Variants in CYP2A13 observed in about 807,000 individuals in gnomAD.
CYP2A13 encodes cytochrome P450 family 2 subfamily A member 13, also known as cytochrome P450 2A13.
Under a neutral mutation model 39.4 loss-of-function variants are expected in CYP2A13, and 30 were observed. The observed-to-expected ratio is 0.76, with a 90% CI of 0.57 to 1.03. The LOEUF is 1.03. CYP2A13 is among the 50% of genes least tolerant of loss of function. CYP2A13 has a pLI of 0.00. For missense variants in CYP2A13, 731 were observed against 648.4 expected, an observed-to-expected ratio of 1.13 and a Z score of -1.38; for synonymous variants, 269 against 254.7, an observed-to-expected ratio of 1.06 and a Z score of -0.54.
intron 3 of CYP2A13, 28 bp downstream of exon 3, chr19:41,090,224 C>T: frequency 6.5e-7 from 1 of 1,549,020 alleles, no homozygotes; most frequent in Non-Finnish European, 8.7e-7. Flanking sequence ...AGTGCGAGGG[C>T]GGGAACCCGC....
intron 6 of CYP2A13, 130 bp downstream of exon 6, chr19:41,093,901 T>A: frequency 1.8e-6 from 2 of 1,114,314 alleles, no homozygotes; most frequent in Middle Eastern, 2.8e-4. Context: ...GACAGGACAA[T>A]ATTCAGCTGA....
At chr19:41,090,323 C>T (rs2031159740) in intron 3 of CYP2A13, 81 bp from the exon 4 acceptor site, 1 of 1,600,646 alleles carries the variant, frequency 6.2e-7, no homozygotes, top group African/African-American at 1.3e-5. Context: ...CTCAACAGGG[C>T]CCTGCCTCCT....
intron 4 of CYP2A13, 136 bp from the exon 5 acceptor site, chr19:41,091,596 C>A: frequency 7.4e-7 from 1 of 1,344,256 alleles, no homozygotes; most frequent in Non-Finnish European, 1.0e-6. Flanking sequence ...CCATCCAACC[C>A]CACTGAAATA....
chr19:41,095,131 G>A (rs781120207), intron 8 of CYP2A13, 31 bp downstream of exon 8: 21 of 1,613,780 alleles, frequency 1.3e-5, no homozygotes, highest in Middle Eastern at 1.6e-4. Flanking sequence ...GCCAGGCCAC[G>A]GCTCACACCA....
At position 41,090,454 on chromosome 19, in the gene CYP2A13, A is replaced by T. The variant is rs780662877; in HGVS notation, c.544A>T (p.Ile182Phe). The change falls in exon 4 of 9, where the codon ATC (isoleucine) becomes TTC (phenylalanine). Residue 182 changes from isoleucine (I) to phenylalanine (F), a missense_variant. By Grantham distance (21) the Ile-to-Phe change is conservative (BLOSUM62 0). Transcript: ENST00000330436. ...FFLSRTVSNV[I>F]SSIVFGDRFD... ...CCTGAGCCGCACAGTCTCCAATGTC[A>T]TCAGCTCCATTGTCTTTGGGGACCG... The T allele has an allele frequency of 6.2e-7, 1 of 1,614,134 alleles. No homozygotes were observed. The highest frequency in any genetic ancestry group is 1.7e-5 in the Admixed American group (1 of 60,014).
Position 41,088,939 on chromosome 19 carries a change from G to A in CYP2A13, c.191G>A (p.Arg64His), listed in dbSNP as rs539865927. The A allele has an allele frequency of 2.0e-5, 33 of 1,613,994 alleles. No individual in the cohort carries two copies. The highest frequency in any genetic ancestry group is 2.7e-5 in the African/African-American group (2 of 75,020). ...MYNSLMKISE[R>H]YGPVFTIHLG... ...ACCTGCCTCCAACAGATCAGTGAGC[G>A]CTATGGCCCTGTGTTCACCATTCAC... Residue 64 changes from arginine to histidine, a missense_variant, in exon 2 of 9, where the codon CGC (arginine) becomes CAC (histidine). By Grantham distance (29) the Arg-to-His change is conservative. Coordinates refer to ENST00000330436, the MANE Select transcript of CYP2A13 (RefSeq NM_000766.5).
In CYP2A13 at chr19:41,090,114, T is replaced by A; in HGVS notation, c.411T>A (p.Gly137=). 1 of 1,600,342 alleles carries A rather than the reference T, an allele frequency of 6.2e-7. No homozygotes were observed. The change falls in exon 3 of 9, where the codon GGT becomes GGA. Residue 137 remains glycine, a synonymous_variant. Coordinates refer to ENST00000330436, the MANE Select transcript of CYP2A13 (RefSeq NM_000766.5). Reference sequence around the variant, plus strand: ...GCTTCTCCATCGCCACCCTAAGGGGTTTTGGCGTGGGCAAGCGCGGCATCG... The same window carrying A: ...GCTTCTCCATCGCCACCCTAAGGGGATTTGGCGTGGGCAAGCGCGGCATCG... ...LRRFSIATLR[G]FGVGKRGIEE...
In CYP2A13 at chr19:41,088,923, C is replaced by T. The variant is rs746440709; in HGVS notation, c.181-6C>T. ...CCCTCTAACCACTCCCACCTGCCTC[C>T]AACAGATCAGTGAGCGCTATGGCCC... On this transcript the variant is annotated splice_region_variant and splice_polypyrimidine_tract_variant and intron_variant, in intron 1 of 8. Transcript: ENST00000330436. 9.3e-6 allele frequency: 15 copies of T among 1,613,926 alleles called. No homozygotes were observed. The highest frequency in any genetic ancestry group is 8.3e-5 in the Admixed American group (5 of 60,020).
chr19:41,092,126 G>A (rs1611827), intron 5 of CYP2A13, among the ~76,000 whole-genome samples: 4,559 of 151,868 alleles, frequency 0.03, 221 homozygotes, highest in African/African-American at 0.1. Context: ...GACCAGCCTG[G>A]CCAACATGGT....
At chr19:41,094,200 C>A (rs748725178) in intron 6 of CYP2A13, 45 bp from the exon 7 acceptor site, 1 of 1,604,768 alleles carries the variant, frequency 6.2e-7, no homozygotes, top group South Asian at 1.1e-5. Flanking sequence ...ATCATCCCTG[C>A]TCTAAGACCC....
At position 41,095,100 on chromosome 19, in the gene CYP2A13, G is replaced by A. The variant is rs751569277; in HGVS notation, c.1303G>A (p.Gly435Arg). 6.2e-6 allele frequency: 10 copies of A among 1,614,008 alleles called. No individual in the cohort carries two copies. The highest frequency in any genetic ancestry group is 3.3e-5 in the Admixed American group (2 of 60,008). Residue 435 changes from glycine to arginine, a missense_variant and splice_region_variant, in exon 8 of 9, where the codon GGA becomes AGA. By Grantham distance (125) the Gly-to-Arg change is moderately radical (BLOSUM62 -2). Transcript: ENST00000330436. Reference protein sequence around the residue: ...KSDAFVPFSIGKRYCFGEGLA... With the variant: ...KSDAFVPFSIRKRYCFGEGLA... ...TGATGCTTTTGTGCCCTTTTCCATC[G>A]GTAAGAGACCACTGTTTGCTGCCAG... is the stretch of plus-strand genomic sequence containing the variant.
Position 41,089,079 on chromosome 19 carries a change from T to C in CYP2A13, c.331T>C (p.Phe111Leu), listed in dbSNP as rs750639177. The change falls in exon 2 of 9, where the codon TTC becomes CTC. Residue 111 changes from phenylalanine (F) to leucine (L), a missense_variant. Physicochemically the swap from Phe to Leu is conservative, Grantham distance 22. Transcript: ENST00000330436. ...RGEQATFDWL[F>L]KGYGVAFSNG... is the part of the protein sequence containing the mutation. ...CGAGCAGGCCACCTTCGACTGGCTC[T>C]TCAAAGGCTATGGTGAGGGGGTGCC... 1.2e-6 allele frequency: 2 copies of C among 1,612,466 alleles called. No individual in the cohort carries two copies. Among genetic ancestry groups the C allele is most frequent in the South Asian group, 2.2e-5 (2 of 90,992 alleles).
In CYP2A13 at chr19:41,094,368, T is replaced by C; in HGVS notation, c.1097T>C (p.Leu366Pro). The stretch of plus-strand genomic sequence containing the variant: ...GAGATCCAAAGATTTGGAGACATGC[T>C]CCCCATGGGTTTGGCCCACAGGGTC... Reference protein sequence around the residue: ...IHEIQRFGDMLPMGLAHRVNK... With the variant: ...IHEIQRFGDMPPMGLAHRVNK... The change falls in exon 7 of 9, where the codon CTC becomes CCC. Residue 366 changes from leucine (L) to proline (P), a missense_variant. Physicochemically the swap from Leu to Pro is moderately conservative, Grantham distance 98 (BLOSUM62 -3). Transcript: ENST00000330436. 6 of 1,613,984 alleles carry C rather than the reference T, an allele frequency of 3.7e-6. No individual in the cohort carries two copies. In the South Asian group the frequency reaches 6.6e-5, roughly 18 times the overall value.
At position 41,090,030 on chromosome 19, in the gene CYP2A13, C is replaced by T. The variant is rs560496474; in HGVS notation, c.344-17C>T. On this transcript the variant is annotated splice_polypyrimidine_tract_variant and intron_variant, in intron 2 of 8. Coordinates refer to ENST00000330436, the MANE Select transcript of CYP2A13 (RefSeq NM_000766.5). ...CCGCCCCCTGACCTCTCTCCACCCC[C>T]GCGTTCACCTCCCCAGGCGTGGCGT... The T allele has an allele frequency of 3.1e-6, 5 of 1,610,492 alleles. No homozygotes were observed. The highest frequency in any genetic ancestry group is 3.3e-5 in the Admixed American group (2 of 59,780).
At position 41,093,783 on chromosome 19, in the gene CYP2A13, A is replaced by C. The variant is rs1195097940; in HGVS notation, c.973+12A>C. ...CCCAGAGGTGGAGGGTAAGACTGGA[A>C]AGGGAGGAAAGTGAAGGGCCCCAGA... On this transcript the variant is annotated intron_variant, in intron 6 of 8. Transcript: ENST00000330436. 1 of 1,613,408 alleles carries C rather than the reference A, an allele frequency of 6.2e-7. No homozygotes were observed. The highest frequency in any genetic ancestry group is 8.5e-7 in the Non-Finnish European group (1 of 1,179,690).
rs756749668 is a variant in CYP2A13 at position 41,089,106 on chromosome 19, A to G, written c.343+15A>G. 1.2e-5 allele frequency: 19 copies of G among 1,611,590 alleles called. No homozygotes were observed. Among genetic ancestry groups the G allele is most frequent in the East Asian group, 2.2e-5 (1 of 44,866 alleles). On this transcript the variant is annotated intron_variant, in intron 2 of 8. Transcript: ENST00000330436. ...CAAAGGCTATGGTGAGGGGGTGCCC[A>G]AGAGGGGGAAGGTGGCCAGGTGGAT...
intron 2 of CYP2A13, among the ~76,000 whole-genome samples, chr19:41,089,810 CTCTCTCTCT>C: frequency 2.6e-4 from 1 of 3,870 alleles, no homozygotes; most frequent in East Asian, 4.8e-3. Flanking sequence ...CCCGGTCTCT[CTCTCTCTCT>C]CTCTCTCTCT....
Position 41,093,710 on chromosome 19 carries a change from G to A in CYP2A13, c.912G>A (p.Glu304=), listed in dbSNP as rs535056830. 3.1e-6 allele frequency: 5 copies of A among 1,614,074 alleles called. No homozygotes were observed. In the Admixed American group the frequency reaches 6.7e-5, roughly 22 times the overall value. Residue 304 remains glutamate (E), a synonymous_variant, in exon 6 of 9, where the codon GAG becomes GAA. Coordinates refer to ENST00000330436, the MANE Select transcript of CYP2A13 (RefSeq NM_000766.5). Reference sequence around the variant, plus strand: ...TGAACCTCTTCTTTGCGGGCACTGAGACCGTGAGCACCACCCTGCGCTACG... The same window carrying A: ...TGAACCTCTTCTTTGCGGGCACTGAAACCGTGAGCACCACCCTGCGCTACG... The part of the protein sequence containing the change: ...TTLNLFFAGT[E]TVSTTLRYGF...
chr19:41,089,670 CT>C (rs1402296967), intron 2 of CYP2A13, among the ~76,000 whole-genome samples: 1 of 151,770 alleles, frequency 6.6e-6, no homozygotes, highest in East Asian at 1.9e-4. Context: ...CTCACTTCCC[CT>C]CCCTCCATCT....
Sources: gnomAD v4.1 joint callset for allele counts (sites outside exome capture counted in the v4.1 genomes callset) on GRCh38, gnomAD v4.1.1 for gene constraint, MANE v1.5 for transcripts, NCBI Gene and HGNC (gene_info 2026-07-23, HGNC 2026-07-21) for gene names.